Variants in PLSCR5 observed in about 807,000 individuals in gnomAD.
PLSCR5 encodes the protein phospholipid scramblase family member 5, also known as phospholipid scramblase family, member 5.
Under a neutral mutation model 33.6 loss-of-function variants are expected in PLSCR5, and 44 were observed. That is an observed-to-expected ratio of 1.31 (90% confidence interval 1.03 to 1.69). PLSCR5 has a LOEUF of 1.69. Ranked by LOEUF, PLSCR5 falls within the 40% of genes most tolerant of loss-of-function variation. The pLI is 0.00. For synonymous variants in PLSCR5, 148 were observed against 112.3 expected (o/e 1.32, Z -2.01); for missense variants, 375 against 318.7 (o/e 1.18, Z -1.34).
In PLSCR5 at chr3:146,586,102, A is replaced by G; in HGVS notation, c.788T>C (p.Phe263Ser). 1 of 1,484,942 alleles carries G rather than the reference A, an allele frequency of 6.7e-7. No individual in the cohort carries two copies. The highest frequency in any genetic ancestry group is 1.3e-5 in the South Asian group (1 of 75,952). The allele number at this position is 1,484,942 out of a possible 1,614,324, so 92.0% of individuals were successfully genotyped here. Residue 263 changes from phenylalanine (F) to serine (S), a missense_variant, in exon 7 of 8, where the codon TTC becomes TCC. Transcript: ENST00000443512. ...TAATCCAGCCAGTGAATGTTCAAAG[A>G]ACATAAAATCCTACAAATAAGTAAA... The part of the protein sequence containing the change: ...IGACFLFDFM[F>S]FEHSLAGL
At chr3:146,580,290 T>C (rs1287274813) in intron 7 of PLSCR5, among the ~76,000 whole-genome samples, 1 of 152,040 alleles carries the variant, frequency 6.6e-6, no homozygotes, top group Non-Finnish European at 1.5e-5. Flanking sequence ...GTTTTGTCAA[T>C]TTCTCTTCCT....
chr3:146,597,155 A>G lies in PLSCR5; in HGVS notation c.190-2072T>C, dbSNP rs371261842. ...ATCAAGTTCTAGTATTGAAATTTAGAAACTATTAATTGAAGTCCACCTGAC... is the reference window on the plus strand; with the variant it reads ...ATCAAGTTCTAGTATTGAAATTTAGGAACTATTAATTGAAGTCCACCTGAC... On this transcript the variant is annotated intron_variant, in intron 2 of 7. Coordinates refer to ENST00000443512, the MANE Select transcript of PLSCR5 (RefSeq NM_001085420.2). 3.3e-5 allele frequency among the ~76,000 whole-genome samples: 5 copies of G among 152,338 alleles called. No individual in the cohort carries two copies. The East Asian group carries it at 9.6e-4, about 29-fold the overall frequency.
chr3:146,597,041 T>C (rs1176962488), intron 2 of PLSCR5, among the ~76,000 whole-genome samples: 1 of 152,174 alleles, frequency 6.6e-6, no homozygotes, highest in Non-Finnish European at 1.5e-5. Context: ...TATTTAGTAG[T>C]TGATCTAAGC....
chr3:146,580,755 G>A (rs1448271651), intron 7 of PLSCR5, among the ~76,000 whole-genome samples: 1 of 152,086 alleles, frequency 6.6e-6, no homozygotes, highest in Non-Finnish European at 1.5e-5. Context: ...GAGCCACCGC[G>A]CCTGCCCCGC....
intron 2 of PLSCR5, among the ~76,000 whole-genome samples, chr3:146,596,805 T>G (rs2044765283): frequency 6.6e-6 from 1 of 152,184 alleles, no homozygotes; most frequent in Non-Finnish European, 1.5e-5. Flanking sequence ...TATTTAAACC[T>G]TATTATTGAT....
chr3:146,594,641 C>T (rs1281457641), intron 3 of PLSCR5, among the ~76,000 whole-genome samples: 1 of 151,968 alleles, frequency 6.6e-6, no homozygotes, highest in Non-Finnish European at 1.5e-5. Context: ...GTTAGTCATG[C>T]TTGTAAATTT....
intron 7 of PLSCR5, among the ~76,000 whole-genome samples, chr3:146,579,967 A>C (rs2044622707): frequency 6.6e-6 from 1 of 152,148 alleles, no homozygotes; most frequent in Non-Finnish European, 1.5e-5. Context: ...CTTCGCTTGG[A>C]ATGTTCTCCC....
At chr3:146,588,185 T>C (rs1208677319) in intron 6 of PLSCR5, among the ~76,000 whole-genome samples, 1 of 152,088 alleles carries the variant, frequency 6.6e-6, no homozygotes, top group Non-Finnish European at 1.5e-5. Context: ...AAAATGCCAA[T>C]GTCGGCTGGG....
intron 4 of PLSCR5, 143 bp downstream of exon 4, chr3:146,593,777 G>T: frequency 1.3e-6 from 1 of 761,176 alleles, no homozygotes; most frequent in Non-Finnish European, 2.1e-6. Context: ...TCCTCAAGCT[G>T]ATCTGATCCT....
chr3:146,600,424 G>C lies in PLSCR5; in HGVS notation c.53C>G (p.Pro18Arg), dbSNP rs200100738. ...NQRRGLPGFL[P>R]GAPDPDQSLP... ...GCTTTGGTCTGGGTCTGGAGCTCCA[G>C]GAAGAAAACCAGGCAGACCTCTTCT... The change falls in exon 2 of 8, where the codon CCT becomes CGT. Residue 18 changes from proline (P) to arginine (R), a missense_variant. Transcript: ENST00000443512. The C allele has an allele frequency of 1.2e-6, 2 of 1,604,280 alleles. No homozygotes were observed. Among genetic ancestry groups the C allele is most frequent in the Non-Finnish European group, 1.7e-6 (2 of 1,174,116 alleles).
In PLSCR5 at chr3:146,587,768, C is replaced by T. The variant is rs773877756; in HGVS notation, c.778-1656G>A. On this transcript the variant is annotated intron_variant, in intron 6 of 7. Coordinates refer to ENST00000443512, the MANE Select transcript of PLSCR5 (RefSeq NM_001085420.2). ...AAAACCTAGCACTCTATAGATATTA[C>T]TTCCATCTTCTACCAATAATAGGAG... 4.0e-4 allele frequency among the ~76,000 whole-genome samples: 61 copies of T among 152,276 alleles called. 1 individual carries two copies. The highest frequency in any genetic ancestry group is 3.4e-3 in the Middle Eastern group (1 of 294).
At chr3:146,580,735 T>C (rs1434738918) in intron 7 of PLSCR5, among the ~76,000 whole-genome samples, 1 of 152,210 alleles carries the variant, frequency 6.6e-6, no homozygotes, top group Admixed American at 6.5e-5. Context: ...AGTGCTGGGA[T>C]TATAGGCGTG....
At chr3:146,599,830 C>T (rs1264295984) in intron 2 of PLSCR5, among the ~76,000 whole-genome samples, 3 of 152,022 alleles carry the variant, frequency 2.0e-5, no homozygotes, top group Non-Finnish European at 2.9e-5. Context: ...AGGCAAATGT[C>T]ACCATGCCCT....
chr3:146,582,734 A>G (rs2044640886), downstream of PLSCR5, among the ~76,000 whole-genome samples: 1 of 152,200 alleles, frequency 6.6e-6, no homozygotes, highest in South Asian at 2.1e-4. Flanking sequence ...GGTTAAAAGG[A>G]TGAAAGGGGC....
intron 2 of PLSCR5, 112 bp from the exon 3 acceptor site, chr3:146,595,195 G>C (rs2044749302): frequency 2.0e-6 from 1 of 502,064 alleles, no homozygotes; most frequent in Admixed American, 4.4e-5. Flanking sequence ...TGATTTTCAT[G>C]CTTTCTATTA....
At chr3:146,581,497 G>A (rs75245973), downstream of PLSCR5, among the ~76,000 whole-genome samples, 11,597 of 152,230 alleles carry the variant, frequency 0.076, 479 homozygotes, top group East Asian at 0.16. Flanking sequence ...ATTTGTTGAA[G>A]AGAGTTTAGA....
At chr3:146,581,832 G>GA (rs143954238), downstream of PLSCR5, among the ~76,000 whole-genome samples, 35,006 of 151,948 alleles carry the variant, frequency 0.23, 4,149 homozygotes, top group Middle Eastern at 0.27. Flanking sequence ...AAATAAAAAT[G>GA]AAAAAATGAT....
chr3:146,597,350 G>C (rs1381081646), intron 2 of PLSCR5, among the ~76,000 whole-genome samples: 2 of 152,112 alleles, frequency 1.3e-5, no homozygotes, highest in African/African-American at 4.8e-5. Flanking sequence ...CAAGCCCACA[G>C]AGATTAAGTA....
intron 1 of PLSCR5, among the ~76,000 whole-genome samples, chr3:146,604,759 A>G (rs1411602313): frequency 1.3e-5 from 2 of 152,084 alleles, no homozygotes; most frequent in Admixed American, 6.6e-5. Context: ...CCATAAGTAT[A>G]TATACCTACT....
Sources: gnomAD v4.1 joint callset for allele counts (sites outside exome capture counted in the v4.1 genomes callset) on GRCh38, gnomAD v4.1.1 for gene constraint, MANE v1.5 for transcripts, NCBI Gene and HGNC (gene_info 2026-07-23, HGNC 2026-07-21) for gene names.